The following AK5 variants were observed in gnomAD, a reference collection of about 807,000 sequenced individuals.
AK5 encodes adenylate kinase 5.
In AK5, 27 loss-of-function variants were observed where a neutral mutation model predicts 69.5. The observed-to-expected ratio is 0.39, with a 90% confidence interval of 0.29 to 0.54. The LOEUF is 0.54. Ranked by LOEUF, AK5 falls within the 20% of genes least tolerant of loss-of-function variation. AK5 has a pLI of 0.71. For synonymous variants in AK5, 260 were observed against 244.4 expected (o/e 1.06, Z -0.60); for missense variants, 531 against 700.4 (o/e 0.76, Z 2.73).
At chr1:77,305,772 A>AT (rs1270591431) in intron 5 of AK5, among the ~76,000 whole-genome samples, 2 of 152,080 alleles carry the variant, frequency 1.3e-5, no homozygotes, top group African/African-American at 2.4e-5. Flanking sequence ...AAGTCAGGTA[A>AT]TGTGATTCTT....
rs74707205 is a variant in AK5, at chr1:77,392,517, A to G, written c.892-18464A>G. ...GAGATAAGTATCTGGCTACTTACAA[A>G]TCATTAAAAATTATGTATCTGGATT... On this transcript the variant is annotated intron_variant, in intron 6 of 13. Coordinates refer to ENST00000354567, the MANE Select transcript of AK5 (RefSeq NM_174858.3). Among the ~76,000 whole-genome samples, 757 of 152,340 alleles carry G rather than the reference A, an allele frequency of 5.0e-3. 9 individuals carry two copies. The highest frequency in any genetic ancestry group is 0.017 in the African/African-American group (707 of 41,570).
intron 6 of AK5, among the ~76,000 whole-genome samples, chr1:77,352,944 G>C (rs932448691): frequency 6.6e-6 from 1 of 152,092 alleles, no homozygotes; most frequent in Non-Finnish European, 1.5e-5. Context: ...GTTTATGTTT[G>C]CAAATTGAGC....
intron 10 of AK5, among the ~76,000 whole-genome samples, chr1:77,488,938 A>T (rs966449219): frequency 2.2e-4 from 33 of 152,222 alleles, no homozygotes; most frequent in Non-Finnish European, 3.8e-4. Context: ...GCCCTTTATT[A>T]TCACATAGAA....
At chr1:77,323,934 T>C (rs906419604) in intron 5 of AK5, among the ~76,000 whole-genome samples, 1 of 152,174 alleles carries the variant, frequency 6.6e-6, no homozygotes, top group Non-Finnish European at 1.5e-5. Context: ...AAATCAATAA[T>C]CTAAAAATAT....
intron 6 of AK5, among the ~76,000 whole-genome samples, chr1:77,374,014 T>A (rs996226225): frequency 5.9e-5 from 9 of 152,168 alleles, no homozygotes; most frequent in Non-Finnish European, 8.8e-5. Flanking sequence ...AAAATACATA[T>A]ATAGAGTAAA....
rs560290758 is a variant in AK5 at position 77,488,240 on chromosome 1, ACGTTTTTTT to A, written c.1147+1890_1147+1898del. 1.4e-4 allele frequency among the ~76,000 whole-genome samples: 22 copies of A among 152,252 alleles called. No homozygotes were observed. In the South Asian group the frequency reaches 3.9e-3, roughly 27 times the overall value. ...GATGGACTCTTCCCACACTTATTTT[ACGTTTTTTT>A]CAGAAAGTAAAACTATATATTGCTT... On this transcript the variant is annotated intron_variant, in intron 10 of 13. Transcript: ENST00000354567.
At chr1:77,373,735 A>G (rs1647166590) in intron 6 of AK5, among the ~76,000 whole-genome samples, 1 of 151,526 alleles carries the variant, frequency 6.6e-6, no homozygotes, top group Non-Finnish European at 1.5e-5. Context: ...CAAAAAAGAA[A>G]AAAAAAAAAC....
At chr1:77,302,988 A>G (rs933016034) in intron 5 of AK5, among the ~76,000 whole-genome samples, 6 of 151,666 alleles carry the variant, frequency 4.0e-5, no homozygotes. Context: ...TCAATGTCGC[A>G]TGTTTTAGTT....
chr1:77,474,337 C>T (rs1654709392), intron 8 of AK5, among the ~76,000 whole-genome samples: 1 of 152,114 alleles, frequency 6.6e-6, no homozygotes, highest in African/African-American at 2.4e-5. Context: ...CCAACTCCGA[C>T]CTGGATATCA....
At chr1:77,486,069 C>T (rs1237526482) in intron 9 of AK5, among the ~76,000 whole-genome samples, 2 of 152,034 alleles carry the variant, frequency 1.3e-5, no homozygotes, top group African/African-American at 2.4e-5. Flanking sequence ...GAGACAAGAT[C>T]GAGCCACTGC....
At chr1:77,321,763 T>A (rs1557494230) in intron 5 of AK5, among the ~76,000 whole-genome samples, 1 of 152,144 alleles carries the variant, frequency 6.6e-6, no homozygotes, top group Non-Finnish European at 1.5e-5. Flanking sequence ...TTCTAAATAG[T>A]GGTCTGAGAA....
At chr1:77,367,846 TTATATATAATATATAATATATGTG>T (rs1647018450) in intron 6 of AK5, among the ~76,000 whole-genome samples, 1 of 1,020 alleles carries the variant, frequency 9.8e-4, no homozygotes, top group Non-Finnish European at 1.6e-3. Context: ...GTTATATATA[TTATATATAATATATAATATATGTG>T]ATATATAATA....
intron 5 of AK5, among the ~76,000 whole-genome samples, chr1:77,310,505 G>A (rs1004686403): frequency 6.6e-6 from 1 of 151,732 alleles, no homozygotes; most frequent in African/African-American, 2.4e-5. Context: ...TCAGCCTCCC[G>A]AGTAGCTGGG....
At chr1:77,458,439 A>C (rs115043383) in intron 8 of AK5, among the ~76,000 whole-genome samples, 2,572 of 152,244 alleles carry the variant, frequency 0.017, 35 homozygotes, top group Non-Finnish European at 0.027. Flanking sequence ...TTGTAATGTA[A>C]AGTGTATTCG....
chr1:77,476,344 A>T (rs893745215), intron 8 of AK5, among the ~76,000 whole-genome samples: 1 of 152,150 alleles, frequency 6.6e-6, no homozygotes, highest in Non-Finnish European at 1.5e-5. Flanking sequence ...ACCACTCAAA[A>T]TTTCTGAAGG....
At chr1:77,382,866 TA>T (rs1202425011) in intron 6 of AK5, among the ~76,000 whole-genome samples, 10 of 152,208 alleles carry the variant, frequency 6.6e-5, no homozygotes, top group African/African-American at 2.4e-4. Flanking sequence ...AGAATCACAG[TA>T]TTCTTGAGAC....
At chr1:77,365,654 T>C (rs1294780547) in intron 6 of AK5, among the ~76,000 whole-genome samples, 1 of 152,126 alleles carries the variant, frequency 6.6e-6, no homozygotes, top group Non-Finnish European at 1.5e-5. Flanking sequence ...CACAATAGGG[T>C]TCACGCTTCT....
intron 8 of AK5, among the ~76,000 whole-genome samples, chr1:77,479,304 C>T (rs1262516617): frequency 6.9e-6 from 1 of 144,138 alleles, no homozygotes; most frequent in Non-Finnish European, 1.5e-5. Context: ...TCCCAGGTTT[C>T]AAGGGAGTCT....
At chr1:77,451,840 A>G (rs1653179616) in intron 8 of AK5, among the ~76,000 whole-genome samples, 1 of 151,948 alleles carries the variant, frequency 6.6e-6, no homozygotes, top group African/African-American at 2.4e-5. Context: ...AGACCCTCCT[A>G]CCCCAGGGAC....
Sources: gnomAD v4.1 joint callset for allele counts (sites outside exome capture counted in the v4.1 genomes callset) on GRCh38, gnomAD v4.1.1 for gene constraint, MANE v1.5 for transcripts, NCBI Gene and HGNC (gene_info 2026-07-23, HGNC 2026-07-21) for gene names.